Variants in CCDC171 observed in about 807,000 individuals in gnomAD.
CCDC171 encodes the protein coiled-coil domain containing 171.
In CCDC171, 177 loss-of-function variants were observed where a neutral mutation model predicts 168.2. The observed-to-expected ratio is 1.05, with a 90% CI of 0.93 to 1.19. CCDC171 has a LOEUF of 1.19. Among genes scored for constraint, CCDC171 ranks in the 50% most tolerant of loss-of-function variants. CCDC171 has a pLI of 0.00. For synonymous variants in CCDC171, 687 were observed against 540.8 expected (o/e 1.27, Z -3.75); for missense variants, 1,991 against 1,539.0 (o/e 1.29, Z -4.91).
At chr9:15,714,916 C>G (rs545133076) in intron 11 of CCDC171, among the ~76,000 whole-genome samples, 29 of 152,326 alleles carry the variant, frequency 1.9e-4, no homozygotes, top group African/African-American at 6.5e-4. Flanking sequence ...TCAGTGATCT[C>G]TGTAGGTCAA....
chr9:15,770,562 G>C (rs773660128), intron 18 of CCDC171, among the ~76,000 whole-genome samples: 1 of 151,896 alleles, frequency 6.6e-6, no homozygotes, highest in Non-Finnish European at 1.5e-5. Context: ...ATATGTTTCT[G>C]GATATTCTTA....
At chr9:15,688,118 C>CAAAAA (rs33945014) in intron 10 of CCDC171, among the ~76,000 whole-genome samples, 7 of 94,944 alleles carry the variant, frequency 7.4e-5, no homozygotes, top group Non-Finnish European at 8.8e-5. Context: ...GACTCCATCT[C>CAAAAA]AAAAAAAAAA....
chr9:16,070,608 G>A, the CCDC171 span, among the ~76,000 whole-genome samples: 4 of 152,184 alleles, frequency 2.6e-5, no homozygotes, highest in African/African-American at 9.6e-5. Flanking sequence ...AGCCAGGGAT[G>A]GGTGTGACTG....
rs77127831 is a variant in CCDC171, at chr9:15,622,596, G to C, written c.676-671G>C. Among the ~76,000 whole-genome samples, 563 of 152,296 alleles carry C rather than the reference G, an allele frequency of 3.7e-3. 1 individual carries two copies. Among genetic ancestry groups the C allele is most frequent in the African/African-American group, 0.013 (538 of 41,560 alleles). On this transcript the variant is annotated intron_variant, in intron 6 of 25. Coordinates refer to ENST00000380701, the MANE Select transcript of CCDC171 (RefSeq NM_173550.4). ...CAACAATGAATCTAGATTAGTTACT[G>C]TGGAGAATGCCTTTGATATTTGTGT...
chr9:15,699,855 G>A (rs2051558776), intron 11 of CCDC171, among the ~76,000 whole-genome samples: 1 of 152,174 alleles, frequency 6.6e-6, no homozygotes, highest in Non-Finnish European at 1.5e-5. Context: ...TAGACACAGG[G>A]TGCTGATTGG....
At chr9:15,849,101 G>T (rs1175826290) in intron 23 of CCDC171, among the ~76,000 whole-genome samples, 154 bp downstream of exon 23, 2 of 151,574 alleles carry the variant, frequency 1.3e-5, no homozygotes, top group Non-Finnish European at 3.0e-5. Flanking sequence ...CCATTACATG[G>T]TGCTATATTG....
chr9:15,883,074 G>A (rs1342815156), intron 24 of CCDC171: 8 of 382,148 alleles, frequency 2.1e-5, no homozygotes, highest in Middle Eastern at 1.5e-3. Context: ...TGTTGCTCAG[G>A]TTAGAGTGCA....
intron 18 of CCDC171, among the ~76,000 whole-genome samples, chr9:15,762,291 A>T (rs1362196260): frequency 2.6e-5 from 4 of 152,102 alleles, no homozygotes; most frequent in Non-Finnish European, 2.9e-5. Flanking sequence ...TATTACAGAT[A>T]TATTTAGAAA....
chr9:15,786,831 A>G (rs997989427), intron 21 of CCDC171, among the ~76,000 whole-genome samples: 2 of 152,038 alleles, frequency 1.3e-5, no homozygotes, highest in Non-Finnish European at 2.9e-5. Context: ...GGGTCTCATG[A>G]TCTCCCCACC....
intron 16 of CCDC171, among the ~76,000 whole-genome samples, chr9:15,734,477 G>C (rs1036430379): frequency 6.6e-6 from 1 of 152,148 alleles, no homozygotes; most frequent in East Asian, 1.9e-4. Context: ...GGCAGAGGTT[G>C]CAATAAGCCG....
At chr9:15,962,494 A>G (rs1830441739) in intron 25 of CCDC171, among the ~76,000 whole-genome samples, 1 of 152,210 alleles carries the variant, frequency 6.6e-6, no homozygotes, top group African/African-American at 2.4e-5. Flanking sequence ...TACAGTTACT[A>G]GCAATTTATG....
intron 20 of CCDC171, 150 bp downstream of exon 20, chr9:15,779,300 G>T (rs1286613461): frequency 8.5e-6 from 4 of 471,842 alleles, no homozygotes; most frequent in Non-Finnish European, 1.1e-5. Flanking sequence ...AAAACTTCCT[G>T]TCTAAAATGC....
At chr9:15,645,394 C>G (rs1325313527) in intron 7 of CCDC171, among the ~76,000 whole-genome samples, 1 of 152,142 alleles carries the variant, frequency 6.6e-6, no homozygotes, top group Non-Finnish European at 1.5e-5. Context: ...CAGAGAATGA[C>G]TTTGAGGAGT....
intron 24 of CCDC171, among the ~76,000 whole-genome samples, chr9:15,900,548 C>G (rs1821490052): frequency 6.6e-6 from 1 of 152,074 alleles, no homozygotes. Context: ...ATGCTGGACT[C>G]CTGGCCCATG....
the CCDC171 span, among the ~76,000 whole-genome samples, chr9:16,097,485 G>A: frequency 1.3e-5 from 2 of 152,214 alleles, no homozygotes; most frequent in East Asian, 3.8e-4. Context: ...ATTTTATTAG[G>A]TGAGGAAGTG....
At chr9:15,823,589 G>C (rs1265419293) in intron 21 of CCDC171, among the ~76,000 whole-genome samples, 1 of 151,950 alleles carries the variant, frequency 6.6e-6, no homozygotes, top group Non-Finnish European at 1.5e-5. Flanking sequence ...TTGTATAAAC[G>C]AAGAAAGAAA....
At chr9:16,039,272 A>T (rs1833532066), upstream of CCDC171, among the ~76,000 whole-genome samples, 3 of 152,188 alleles carry the variant, frequency 2.0e-5, no homozygotes, top group African/African-American at 7.2e-5. Flanking sequence ...GGACTCCCTC[A>T]TGTGGCTGAG....
chr9:15,672,060 T>C (rs964165428), intron 9 of CCDC171, among the ~76,000 whole-genome samples: 1 of 152,218 alleles, frequency 6.6e-6, no homozygotes, highest in Non-Finnish European at 1.5e-5. Context: ...TGTGAGATGG[T>C]ATCTCATTGT....
chr9:15,716,584 G>A (rs563539421), intron 11 of CCDC171, among the ~76,000 whole-genome samples: 2 of 152,132 alleles, frequency 1.3e-5, no homozygotes, highest in South Asian at 4.2e-4. Flanking sequence ...CCTGAGACTG[G>A]GTAATTAATA....
Sources: gnomAD v4.1 joint callset for allele counts (sites outside exome capture counted in the v4.1 genomes callset) on GRCh38, gnomAD v4.1.1 for gene constraint, MANE v1.5 for transcripts, NCBI Gene and HGNC (gene_info 2026-07-23, HGNC 2026-07-21) for gene names.